GRM3: variants seen among roughly 807,000 people sequenced by gnomAD.
GRM3 encodes metabotropic glutamate receptor 3.
GRM3 carries 26 observed loss-of-function variants against 70.5 expected under a neutral mutation model. The ratio of observed to expected loss-of-function variants is 0.37; its 90% confidence interval spans 0.27 to 0.51. GRM3 has a LOEUF of 0.51. Ranked by LOEUF, GRM3 falls within the 20% of genes least tolerant of loss-of-function variation. The pLI is 0.93. For synonymous variants in GRM3, 443 were observed against 434.9 expected (o/e 1.02, Z -0.23); for missense variants, 859 against 1,123.8 (o/e 0.76, Z 3.37).
intron 3 of GRM3, among the ~76,000 whole-genome samples, chr7:86,831,632 G>C (rs1279693824): frequency 6.6e-6 from 1 of 151,786 alleles, no homozygotes; most frequent in Non-Finnish European, 1.5e-5. Context: ...TTCCTTCTTA[G>C]TCTGAGAGTA....
At chr7:86,731,333 T>G (rs1032103420) in intron 1 of GRM3, among the ~76,000 whole-genome samples, 1 of 152,190 alleles carries the variant, frequency 6.6e-6, no homozygotes, top group Non-Finnish European at 1.5e-5. Context: ...TTCTCTCTCC[T>G]TAGTCATTAC....
At chr7:86,819,054 T>G (rs1006718793) in intron 3 of GRM3, among the ~76,000 whole-genome samples, 1 of 152,122 alleles carries the variant, frequency 6.6e-6, no homozygotes, top group Non-Finnish European at 1.5e-5. Flanking sequence ...ATGAATTCGC[T>G]TGTAAAATGT....
chr7:86,723,852 C>G (rs1223129614), intron 1 of GRM3, among the ~76,000 whole-genome samples: 1 of 152,134 alleles, frequency 6.6e-6, no homozygotes, highest in Non-Finnish European at 1.5e-5. Flanking sequence ...TTGTACCAAG[C>G]TGTAGTAGTT....
intron 1 of GRM3, among the ~76,000 whole-genome samples, chr7:86,729,756 T>A (rs1795683400): frequency 1.3e-5 from 2 of 152,224 alleles, no homozygotes; most frequent in African/African-American, 4.8e-5. Flanking sequence ...ATTGCTTTGA[T>A]CATAAAGGAT....
At chr7:86,791,239 A>T (rs1281102593) in intron 3 of GRM3, among the ~76,000 whole-genome samples, 2 of 152,208 alleles carry the variant, frequency 1.3e-5, no homozygotes, top group African/African-American at 4.8e-5. Flanking sequence ...CATTATGTAA[A>T]TGTTTACCAA....
chr7:86,804,249 CA>C (rs1166193508), intron 3 of GRM3, among the ~76,000 whole-genome samples: 6 of 152,154 alleles, frequency 3.9e-5, no homozygotes, highest in African/African-American at 1.4e-4. Flanking sequence ...GAGTAAGAGA[CA>C]CTGAACCAGT....
At chr7:86,858,414 A>G (rs1225762831) in intron 5 of GRM3, among the ~76,000 whole-genome samples, 1 of 152,114 alleles carries the variant, frequency 6.6e-6, no homozygotes, top group Non-Finnish European at 1.5e-5. Flanking sequence ...GGAGGGAATT[A>G]AGATTAAATA....
At chr7:86,709,659 G>A (rs1795147520) in intron 1 of GRM3, among the ~76,000 whole-genome samples, 1 of 152,024 alleles carries the variant, frequency 6.6e-6, no homozygotes, top group Non-Finnish European at 1.5e-5. Context: ...CTGTCAGTGA[G>A]TCCAGTTTTC....
At chr7:86,826,564 T>G (rs758173099) in intron 3 of GRM3, among the ~76,000 whole-genome samples, 21 of 152,192 alleles carry the variant, frequency 1.4e-4, no homozygotes, top group Non-Finnish European at 7.3e-5. Flanking sequence ...CAAGGAAGTG[T>G]ATAAGCTGGA....
At chr7:86,719,053 T>C (rs1445742015) in intron 1 of GRM3, among the ~76,000 whole-genome samples, 2 of 151,980 alleles carry the variant, frequency 1.3e-5, no homozygotes. Context: ...TGTTCTACTT[T>C]GGACTGACCA....
intron 4 of GRM3, among the ~76,000 whole-genome samples, chr7:86,848,912 T>A (rs764569140): frequency 2.0e-5 from 3 of 152,242 alleles, no homozygotes; most frequent in Non-Finnish European, 2.9e-5. Context: ...GAAGCACTCC[T>A]TGCTAGGCTT....
chr7:86,837,200 G>A (rs1798473335), intron 3 of GRM3, among the ~76,000 whole-genome samples: 1 of 152,120 alleles, frequency 6.6e-6, no homozygotes, highest in African/African-American at 2.4e-5. Flanking sequence ...CAGCCCTCTA[G>A]GGGCACCTAT....
intron 2 of GRM3, among the ~76,000 whole-genome samples, chr7:86,772,384 A>G (rs1453165784): frequency 1.3e-5 from 2 of 152,086 alleles, no homozygotes; most frequent in Admixed American, 1.3e-4. Context: ...GCAATGGAAG[A>G]CTTGTTTAGA....
chr7:86,672,022 G>T (rs1157149292), intron 1 of GRM3, among the ~76,000 whole-genome samples: 1 of 151,956 alleles, frequency 6.6e-6, no homozygotes, highest in Non-Finnish European at 1.5e-5. Flanking sequence ...ACTTCTCTGG[G>T]GGTTTTATTT....
chr7:86,804,283 C>G (rs1465366769), intron 3 of GRM3, among the ~76,000 whole-genome samples: 3 of 152,210 alleles, frequency 2.0e-5, no homozygotes, highest in Non-Finnish European at 2.9e-5. Context: ...CATTCTAGAT[C>G]TGCCACTGCA....
At chr7:86,815,941 A>G (rs1798006313) in intron 3 of GRM3, among the ~76,000 whole-genome samples, 1 of 151,932 alleles carries the variant, frequency 6.6e-6, no homozygotes, top group African/African-American at 2.4e-5. Flanking sequence ...AGTGAGGAGT[A>G]AGATGTGGTT....
chr7:86,838,795 C>A (rs777825537), intron 3 of GRM3, 44 bp from the exon 4 acceptor site: 36 of 1,120,796 alleles, frequency 3.2e-5, no homozygotes, highest in Non-Finnish European at 4.4e-5. Context: ...ACGTAAGACA[C>A]CTAAACAAGT....
At chr7:86,748,718 T>C (rs1796162184) in intron 1 of GRM3, among the ~76,000 whole-genome samples, 1 of 152,084 alleles carries the variant, frequency 6.6e-6, no homozygotes, top group African/African-American at 2.4e-5. Flanking sequence ...GCAGTGGGAC[T>C]ATTACATTAA....
At chr7:86,689,428 A>G (rs1252506529) in intron 1 of GRM3, among the ~76,000 whole-genome samples, 4 of 152,100 alleles carry the variant, frequency 2.6e-5, no homozygotes, top group Admixed American at 2.6e-4. Flanking sequence ...AAAATAAATC[A>G]TAAATAGTAA....
Sources: allele counts gnomAD v4.1 joint callset (sites outside exome capture counted in the v4.1 genomes callset), GRCh38; gene constraint gnomAD v4.1.1; transcripts MANE v1.5; gene names NCBI Gene and HGNC (gene_info 2026-07-23, HGNC 2026-07-21).